Variants in GPHN observed in about 807,000 individuals in gnomAD.
The protein encoded by GPHN is gephyrin.
Under a neutral mutation model 95.5 loss-of-function variants are expected in GPHN, and 17 were observed. The ratio of observed to expected loss-of-function variants is 0.18; its 90% CI spans 0.12 to 0.27. The LOEUF (loss-of-function observed/expected upper bound fraction) is 0.27, where lower values mean the gene tolerates loss of function less well. Among genes scored for constraint, GPHN ranks in the 10% least tolerant of loss-of-function variants. The pLI, the probability that GPHN is intolerant of heterozygous loss-of-function variation, is 1.00. For missense variants in GPHN, 660 were observed against 978.1 expected, an observed-to-expected ratio of 0.67 and a Z score of 4.34; for synonymous variants, 320 against 322.5, an observed-to-expected ratio of 0.99 and a Z score of 0.08.
chr14:67,079,633 A>G lies in GPHN; in HGVS notation c.1145-9350A>G, dbSNP rs139326130. Among the ~76,000 whole-genome samples, 1,468 of 152,202 alleles carry G rather than the reference A, an allele frequency of 9.6e-3. 12 individuals are homozygous for G. Among genetic ancestry groups the G allele is most frequent in the Non-Finnish European group, 0.014 (971 of 67,966 alleles). ...TGTTGTGGTGGTAAAAACACAACACAAAATTTATCATCTTAACCATTTTTA... is the reference window on the plus strand; with the variant it reads ...TGTTGTGGTGGTAAAAACACAACACGAAATTTATCATCTTAACCATTTTTA... On this transcript the variant is annotated intron_variant, in intron 11 of 22. Coordinates refer to ENST00000478722, the MANE Select transcript of GPHN (RefSeq NM_020806.5).
chr14:67,352,009 G>C, the GPHN span, among the ~76,000 whole-genome samples: 5 of 151,614 alleles, frequency 3.3e-5, no homozygotes, highest in Admixed American at 6.6e-5. Context: ...ACAGGGCCAG[G>C]CACAGTGGCT....
At chr14:66,983,215 G>A (rs2070796698) in intron 9 of GPHN, among the ~76,000 whole-genome samples, 1 of 152,032 alleles carries the variant, frequency 6.6e-6, no homozygotes, top group Non-Finnish European at 1.5e-5. Flanking sequence ...TCATGCCACT[G>A]CACTCCAGCC....
At chr14:66,602,212 C>G (rs1220228941) in intron 1 of GPHN, among the ~76,000 whole-genome samples, 1 of 151,842 alleles carries the variant, frequency 6.6e-6, no homozygotes. Flanking sequence ...GATCAGTGTT[C>G]TTCCATTCTA....
At chr14:66,941,667 C>G (rs544726168) in intron 8 of GPHN, among the ~76,000 whole-genome samples, 5 of 151,428 alleles carry the variant, frequency 3.3e-5, no homozygotes, top group Admixed American at 2.6e-4. Context: ...ACACACCCTT[C>G]CAGTCAAAGC....
chr14:66,701,497 G>A (rs919296889), intron 2 of GPHN, among the ~76,000 whole-genome samples: 2 of 152,192 alleles, frequency 1.3e-5, no homozygotes, highest in Non-Finnish European at 2.9e-5. Context: ...TGACTAGGTG[G>A]CTGGTGTGAT....
At chr14:67,126,964 G>A (rs1315215285) in intron 17 of GPHN, among the ~76,000 whole-genome samples, 1 of 151,998 alleles carries the variant, frequency 6.6e-6, no homozygotes, top group African/African-American at 2.4e-5. Context: ...GATGAAATTG[G>A]AAATGATCAT....
the GPHN span, among the ~76,000 whole-genome samples, chr14:67,407,161 G>A: frequency 9.9e-5 from 15 of 151,922 alleles, no homozygotes; most frequent in African/African-American, 3.6e-4. Flanking sequence ...TTGCACTGTC[G>A]CCCGGGCTAG....
At chr14:67,051,782 C>T (rs941865841) in intron 10 of GPHN, among the ~76,000 whole-genome samples, 4 of 152,274 alleles carry the variant, frequency 2.6e-5, no homozygotes, top group Admixed American at 1.3e-4. Flanking sequence ...CCCTACAAGC[C>T]AGAAGAGATT....
At chr14:67,654,184 G>A in the GPHN span, among the ~76,000 whole-genome samples, 1 of 152,186 alleles carries the variant, frequency 6.6e-6, no homozygotes, top group Non-Finnish European at 1.5e-5. Flanking sequence ...GCAGCTCACT[G>A]CAGCCTCGAC....
chr14:66,597,608 T>C (rs10150897), intron 1 of GPHN, among the ~76,000 whole-genome samples: 47,768 of 151,968 alleles, frequency 0.31, 11,525 homozygotes, highest in African/African-American at 0.65. Flanking sequence ...TCCTAGGCCC[T>C]TGAGAGTGCA....
chr14:66,981,965 C>T (rs2070712221), intron 9 of GPHN, among the ~76,000 whole-genome samples: 1 of 152,088 alleles, frequency 6.6e-6, no homozygotes, highest in African/African-American at 2.4e-5. Context: ...AAATATACAA[C>T]ATTTTCTAAA....
chr14:66,977,102 A>T (rs2070298771), intron 9 of GPHN, among the ~76,000 whole-genome samples: 3 of 152,190 alleles, frequency 2.0e-5, no homozygotes, highest in African/African-American at 7.2e-5. Flanking sequence ...ATAACCTTTC[A>T]TACACATGTG....
At chr14:67,480,836 C>G in the GPHN span, among the ~76,000 whole-genome samples, 2 of 152,172 alleles carry the variant, frequency 1.3e-5, no homozygotes, top group Non-Finnish European at 1.5e-5. Context: ...TCTGGGATGG[C>G]CCAGACCGGT....
chr14:66,905,770 C>T (rs1408909205), intron 5 of GPHN, among the ~76,000 whole-genome samples: 1 of 152,104 alleles, frequency 6.6e-6, no homozygotes, highest in Non-Finnish European at 1.5e-5. Flanking sequence ...TTGTTCCCAT[C>T]TTTATGTCCA....
intron 4 of GPHN, among the ~76,000 whole-genome samples, chr14:66,837,446 G>C (rs1480765554): frequency 1.2e-5 from 1 of 85,764 alleles, no homozygotes; most frequent in South Asian, 5.0e-4. Context: ...GACTGTTGTG[G>C]GGTGGGGGGA....
chr14:66,608,302 T>C (rs2062636247), intron 1 of GPHN, among the ~76,000 whole-genome samples: 1 of 152,060 alleles, frequency 6.6e-6, no homozygotes, highest in African/African-American at 2.4e-5. Context: ...CTTTGAGAGA[T>C]CTTCTTGGTG....
At chr14:66,634,862 C>T (rs138211939) in intron 1 of GPHN, among the ~76,000 whole-genome samples, 192 of 152,340 alleles carry the variant, frequency 1.3e-3, no homozygotes, top group African/African-American at 4.3e-3. Flanking sequence ...AGATCACTAA[C>T]TACTATTAGA....
chr14:67,339,914 A>G, the GPHN span, among the ~76,000 whole-genome samples: 4 of 152,056 alleles, frequency 2.6e-5, no homozygotes, highest in Non-Finnish European at 5.9e-5. Flanking sequence ...AGCCTGGCCA[A>G]CATGGTGAAA....
chr14:66,796,766 G>C (rs971648293), intron 3 of GPHN, among the ~76,000 whole-genome samples: 2 of 151,918 alleles, frequency 1.3e-5, no homozygotes, highest in South Asian at 2.1e-4. Flanking sequence ...TCTCCATTCT[G>C]TGGGTTGTCT....
Sources: gnomAD v4.1 joint callset for allele counts (sites outside exome capture counted in the v4.1 genomes callset) on GRCh38, gnomAD v4.1.1 for gene constraint, MANE v1.5 for transcripts, NCBI Gene and HGNC (gene_info 2026-07-23, HGNC 2026-07-21) for gene names.